TPH2: variants seen among roughly 807,000 people sequenced by gnomAD.
TPH2 encodes the protein tryptophan 5-hydroxylase 2.
Under a neutral mutation model 59.1 loss-of-function variants are expected in TPH2, and 27 were observed. That is an observed-to-expected ratio of 0.46 (90% CI 0.34 to 0.63). TPH2 has a LOEUF of 0.63. TPH2 is among the 30% of genes least tolerant of loss of function. TPH2 has a pLI of 0.01. For synonymous variants in TPH2, 220 were observed against 210.5 expected, an observed-to-expected ratio of 1.05 and a Z score of -0.39; for missense variants, 523 against 588.3, an observed-to-expected ratio of 0.89 and a Z score of 1.15.
intron 7 of TPH2, among the ~76,000 whole-genome samples, chr12:71,988,273 A>G (rs1028904048): frequency 1.3e-5 from 2 of 152,190 alleles, no homozygotes; most frequent in Admixed American, 6.5e-5. Context: ...TTTCTTCAAG[A>G]AATAAGAAAC....
At chr12:72,022,297 T>G in intron 8 of TPH2, 102 bp from the exon 9 acceptor site, 2 of 772,012 alleles carry the variant, frequency 2.6e-6, no homozygotes, top group South Asian at 2.9e-5. Flanking sequence ...TTGATAATAT[T>G]GAAGAAATTA....
Position 71,966,028 on chromosome 12 carries a change from T to C in TPH2, c.609-6491T>C, listed in dbSNP as rs569308422. On this transcript the variant is annotated intron_variant, in intron 5 of 10. Coordinates refer to ENST00000333850, the MANE Select transcript of TPH2 (RefSeq NM_173353.4). Reference sequence around the variant, plus strand: ...TAGATTAAAAATAAGGTTATTCTTATAATAATGTTAGAATAATGTCAACCT... The same window carrying C: ...TAGATTAAAAATAAGGTTATTCTTACAATAATGTTAGAATAATGTCAACCT... Among the ~76,000 whole-genome samples the C allele has an allele frequency of 3.3e-5, 5 of 152,324 alleles. No individual in the cohort carries two copies. In the East Asian group the frequency reaches 5.8e-4, roughly 18 times the overall value.
chr12:72,013,944 A>G (rs12228278), intron 8 of TPH2, among the ~76,000 whole-genome samples: 7,971 of 152,130 alleles, frequency 0.052, 356 homozygotes, highest in East Asian at 0.17. Flanking sequence ...CACCTTTCCA[A>G]CAGCTTTGCT....
chr12:72,016,828 T>C (rs1400839793), intron 8 of TPH2, among the ~76,000 whole-genome samples: 2 of 152,158 alleles, frequency 1.3e-5, no homozygotes, highest in Non-Finnish European at 2.9e-5. Context: ...GTGAAAGAAG[T>C]AGGCAACTCG....
At position 71,961,815 on chromosome 12, in the gene TPH2, A is replaced by G. The variant is rs1370033549; in HGVS notation, c.609-10704A>G. 9 of 1,183,818 alleles carry G rather than the reference A, an allele frequency of 7.6e-6. No individual in the cohort carries two copies. The Admixed American group carries it at 2.6e-4, about 34-fold the overall frequency. The allele number at this position is 1,183,818 out of a possible 1,614,324, so 73.3% of individuals were successfully genotyped here. A position where few individuals can be genotyped will look rare whatever the true frequency, so the allele number is the denominator to read the frequency against. On this transcript the variant is annotated intron_variant, in intron 5 of 10. Coordinates refer to ENST00000333850, the MANE Select transcript of TPH2 (RefSeq NM_173353.4). ...TGGTGCACAGGACAAATAAAAACAA[A>G]TAATTTCTAGGAGTTAAATCTTTGT...
At chr12:71,960,816 C>T (rs994813948) in intron 5 of TPH2, among the ~76,000 whole-genome samples, 1 of 152,140 alleles carries the variant, frequency 6.6e-6, no homozygotes, top group African/African-American at 2.4e-5. Flanking sequence ...ATGAAGGATT[C>T]GAATTACTTC....
chr12:72,007,763 T>C (rs1872993724), intron 8 of TPH2, among the ~76,000 whole-genome samples: 1 of 152,156 alleles, frequency 6.6e-6, no homozygotes, highest in South Asian at 2.1e-4. Context: ...TTTTTGGCTG[T>C]TCACTTTTTC....
chr12:71,947,769 C>A (rs919790419), intron 4 of TPH2, among the ~76,000 whole-genome samples: 2 of 151,962 alleles, frequency 1.3e-5, no homozygotes, highest in Non-Finnish European at 1.5e-5. Context: ...ACAACATTTG[C>A]GTAATCACCG....
Position 71,979,253 on chromosome 12 carries a change from C to T in TPH2, c.941+166C>T, listed in dbSNP as rs578077880. On this transcript the variant is annotated intron_variant, in intron 7 of 10. Coordinates refer to ENST00000333850, the MANE Select transcript of TPH2 (RefSeq NM_173353.4). ...AAAGGGCTCACTGAAGGATCAGACT[C>T]CTCATCTGGGTCCGTGGGGGCCCCT... 2.8e-3 allele frequency among the ~76,000 whole-genome samples: 431 copies of T among 152,324 alleles called. 1 individual carries two copies. Among genetic ancestry groups the T allele is most frequent in the African/African-American group, 0.01 (419 of 41,560 alleles).
chr12:72,012,617 T>C lies in TPH2; in HGVS notation c.1069-9782T>C, dbSNP rs549631964. On this transcript the variant is annotated intron_variant, in intron 8 of 10. Coordinates refer to ENST00000333850, the MANE Select transcript of TPH2 (RefSeq NM_173353.4). ...GCAATGAGACCATGAAGGTTTGTCA[T>C]TGGGCTACCAGATGGTTGTCATGAC... 1.5e-3 allele frequency among the ~76,000 whole-genome samples: 228 copies of C among 152,288 alleles called. 1 individual carries two copies. Among genetic ancestry groups the C allele is most frequent in the African/African-American group, 5.4e-3 (223 of 41,556 alleles).
At chr12:72,005,651 AG>A (rs1452769312) in intron 8 of TPH2, among the ~76,000 whole-genome samples, 1 of 152,196 alleles carries the variant, frequency 6.6e-6, no homozygotes, top group East Asian at 1.9e-4. Context: ...TACAGAGGAA[AG>A]AATAAATTGG....
chr12:71,953,999 C>A (rs149829499), intron 5 of TPH2, among the ~76,000 whole-genome samples: 3 of 152,070 alleles, frequency 2.0e-5, no homozygotes, highest in Non-Finnish European at 4.4e-5. Flanking sequence ...AAACCACAAC[C>A]AAGAAGCCCT....
chr12:71,965,037 A>G (rs1220422346), intron 5 of TPH2: 1 of 152,180 alleles, frequency 6.6e-6, no homozygotes, highest in Non-Finnish European at 1.5e-5. Flanking sequence ...AACATGCAGT[A>G]TTTAGTTTTC....
chr12:71,992,839 T>C (rs947142308), intron 7 of TPH2, among the ~76,000 whole-genome samples: 4 of 152,242 alleles, frequency 2.6e-5, no homozygotes, highest in South Asian at 4.1e-4. Flanking sequence ...CTCTCTTCTT[T>C]ATTTTTCATT....
rs961585876 is a variant in TPH2, at chr12:71,960,531, G to A, written c.608+10876G>A. On this transcript the variant is annotated intron_variant, in intron 5 of 10. Transcript: ENST00000333850. Reference sequence around the variant, plus strand: ...AGCGCAGCTCAGTGGCTGAAAGGAAGGGAGCCTGAGAGTTGCAAAGAAAGA... The same window carrying A: ...AGCGCAGCTCAGTGGCTGAAAGGAAAGGAGCCTGAGAGTTGCAAAGAAAGA... Among the ~76,000 whole-genome samples the A allele has an allele frequency of 3.9e-5, 6 of 152,332 alleles. No individual in the cohort carries two copies. The East Asian group carries it at 1.2e-3, about 29-fold the overall frequency.
At chr12:72,027,303 A>G (rs1226519988) in intron 9 of TPH2, among the ~76,000 whole-genome samples, 2 of 152,170 alleles carry the variant, frequency 1.3e-5, no homozygotes, top group Non-Finnish European at 2.9e-5. Context: ...AAATGGTGGA[A>G]AGTGTGACTG....
At chr12:71,982,800 A>T (rs561844378) in intron 7 of TPH2, among the ~76,000 whole-genome samples, 1 of 152,354 alleles carries the variant, frequency 6.6e-6, no homozygotes, top group South Asian at 2.1e-4. Flanking sequence ...TGAGCACTGA[A>T]GACCCAGGTA....
At chr12:72,000,531 G>T (rs954315252) in intron 8 of TPH2, among the ~76,000 whole-genome samples, 1 of 152,214 alleles carries the variant, frequency 6.6e-6, no homozygotes, top group Non-Finnish European at 1.5e-5. Flanking sequence ...TGCTGCTGCT[G>T]CAGGTTCAAG....
intron 5 of TPH2, among the ~76,000 whole-genome samples, chr12:71,955,682 C>G (rs1296893892): frequency 1.3e-5 from 2 of 152,186 alleles, no homozygotes; most frequent in African/African-American, 4.8e-5. Context: ...AGTAACAAAA[C>G]TTAGAACACT....
Sources: gnomAD v4.1 joint callset for allele counts (sites outside exome capture counted in the v4.1 genomes callset) on GRCh38, gnomAD v4.1.1 for gene constraint, MANE v1.5 for transcripts, NCBI Gene and HGNC (gene_info 2026-07-23, HGNC 2026-07-21) for gene names.